QTMAN: variants seen among roughly 807,000 people sequenced by gnomAD.
The protein encoded by QTMAN is queuosine-tRNA mannosyltransferase.
At chr2:144,111,783 G>C in the QTMAN span, among the ~76,000 whole-genome samples, 1 of 152,130 alleles carries the variant, frequency 6.6e-6, no homozygotes, top group African/African-American at 2.4e-5. Flanking sequence ...TATAATACTG[G>C]ACAGAGGAAC....
At chr2:144,323,785 A>C in the QTMAN span, among the ~76,000 whole-genome samples, 2 of 152,198 alleles carry the variant, frequency 1.3e-5, no homozygotes, top group African/African-American at 2.4e-5. Flanking sequence ...AACAACAGCA[A>C]TTAATATTTA....
At chr2:144,145,819 C>T in the QTMAN span, 2 of 1,160,454 alleles carry the variant, frequency 1.7e-6, no homozygotes, top group Non-Finnish European at 2.5e-6. Context: ...CCTCTTTCCT[C>T]TTCCCACCCC....
chr2:144,116,844 C>T, the QTMAN span, among the ~76,000 whole-genome samples: 61 of 152,266 alleles, frequency 4.0e-4, no homozygotes, highest in African/African-American at 1.3e-3. Flanking sequence ...TTTAGAGCAG[C>T]GAGTCAGAAC....
the QTMAN span, among the ~76,000 whole-genome samples, chr2:144,251,469 A>G: frequency 2.6e-5 from 4 of 152,318 alleles, no homozygotes; most frequent in African/African-American, 7.2e-5. Flanking sequence ...CTGGACATCT[A>G]CATGTAGAAA....
the QTMAN span, among the ~76,000 whole-genome samples, chr2:144,016,175 C>G: frequency 6.6e-6 from 1 of 152,152 alleles, no homozygotes; most frequent in Non-Finnish European, 1.5e-5. Context: ...ATGAAGCTTT[C>G]AGTACGTATA....
chr2:144,173,339 T>G, the QTMAN span, among the ~76,000 whole-genome samples: 1 of 152,164 alleles, frequency 6.6e-6, no homozygotes, highest in Admixed American at 6.6e-5. Context: ...GGTGACAAAA[T>G]GTATGTGATT....
At chr2:144,024,366 T>C in the QTMAN span, among the ~76,000 whole-genome samples, 1 of 152,344 alleles carries the variant, frequency 6.6e-6, no homozygotes, top group Non-Finnish European at 1.5e-5. Flanking sequence ...AATGAATGCC[T>C]TGGTATGATG....
the QTMAN span, among the ~76,000 whole-genome samples, chr2:144,326,310 AG>A: frequency 6.6e-6 from 1 of 152,138 alleles, no homozygotes; most frequent in African/African-American, 2.4e-5. Context: ...AGACTCAGCC[AG>A]GAACGGTGGC....
the QTMAN span, among the ~76,000 whole-genome samples, chr2:144,138,824 G>A: frequency 1.3e-5 from 2 of 152,070 alleles, no homozygotes; most frequent in Non-Finnish European, 2.9e-5. Context: ...TTATCTAGAA[G>A]AAGGGAAATG....
At chr2:144,279,704 G>A in the QTMAN span, among the ~76,000 whole-genome samples, 1 of 152,096 alleles carries the variant, frequency 6.6e-6, no homozygotes, top group South Asian at 2.1e-4. Flanking sequence ...CACCAAGTTC[G>A]GCCACCAAAA....
the QTMAN span, among the ~76,000 whole-genome samples, chr2:143,948,369 C>A: frequency 3.3e-5 from 5 of 152,068 alleles, no homozygotes; most frequent in African/African-American, 4.8e-5. Flanking sequence ...ACAAAAAAAT[C>A]AGGAGCTATC....
the QTMAN span, among the ~76,000 whole-genome samples, chr2:144,267,398 T>C: frequency 2.0e-5 from 3 of 152,204 alleles, no homozygotes; most frequent in Admixed American, 1.3e-4. Flanking sequence ...GCCAAGGTCA[T>C]GTGACATTAG....
chr2:143,941,976 C>T, the QTMAN span: 5 of 154,920 alleles, frequency 3.2e-5, no homozygotes, highest in Non-Finnish European at 7.3e-5. Context: ...ATTTTCTCAT[C>T]TGTGAAATGA....
chr2:143,994,786 T>A, the QTMAN span, among the ~76,000 whole-genome samples: 5 of 152,128 alleles, frequency 3.3e-5, no homozygotes, highest in African/African-American at 4.8e-5. Context: ...TCTAAGGTGA[T>A]GGAAATGTTC....
At chr2:144,002,210 C>T in the QTMAN span, among the ~76,000 whole-genome samples, 7 of 151,964 alleles carry the variant, frequency 4.6e-5, no homozygotes, top group South Asian at 2.1e-4. Context: ...TTCATCCCCT[C>T]GATAGATATC....
the QTMAN span, among the ~76,000 whole-genome samples, chr2:144,255,567 T>C: frequency 1.3e-5 from 2 of 152,148 alleles, no homozygotes; most frequent in South Asian, 2.1e-4. Context: ...ACAAGAAACA[T>C]ATATTGCTAA....
the QTMAN span, among the ~76,000 whole-genome samples, chr2:143,970,455 C>A: frequency 6.6e-6 from 1 of 152,148 alleles, no homozygotes; most frequent in Admixed American, 6.5e-5. Flanking sequence ...GAGATGACTT[C>A]ACGTTCTCAA....
the QTMAN span, among the ~76,000 whole-genome samples, chr2:144,029,669 G>T: frequency 1.3e-5 from 2 of 151,922 alleles, no homozygotes; most frequent in African/African-American, 4.8e-5. Flanking sequence ...CTCAGGGAGG[G>T]GAGACAAGAA....
At chr2:144,031,747 T>C in the QTMAN span, among the ~76,000 whole-genome samples, 21 of 152,138 alleles carry the variant, frequency 1.4e-4, no homozygotes, top group African/African-American at 5.1e-4. Flanking sequence ...TTAGGGGGTA[T>C]GATTACTTCT....
Sources: gnomAD v4.1 joint callset for allele counts (sites outside exome capture counted in the v4.1 genomes callset) on GRCh38, gnomAD v4.1.1 for gene constraint, MANE v1.5 for transcripts, NCBI Gene and HGNC (gene_info 2026-07-23, HGNC 2026-07-21) for gene names.